TLN2: variants seen among roughly 807,000 people sequenced by gnomAD.
The protein encoded by TLN2 is talin 2.
In TLN2, 118 loss-of-function variants were observed where a neutral mutation model predicts 294.7. That is an observed-to-expected ratio of 0.40 (90% CI 0.34 to 0.47). The LOEUF (loss-of-function observed/expected upper bound fraction) is 0.47, where lower values mean the gene tolerates loss of function less well. TLN2 is among the 20% of genes least tolerant of loss of function. The pLI is 0.84. For missense variants in TLN2, 3,083 were observed against 3,282.2 expected (o/e 0.94, Z 1.48); for synonymous variants, 1,431 against 1,304.5 (o/e 1.10, Z -2.09).
At chr15:62,543,315 C>A (rs1357104417) in intron 1 of TLN2, among the ~76,000 whole-genome samples, 1 of 152,208 alleles carries the variant, frequency 6.6e-6, no homozygotes, top group Non-Finnish European at 1.5e-5. Flanking sequence ...TTCATTAATT[C>A]AGCATATATT....
rs1002950272 is a variant in TLN2 at position 62,796,005 on chromosome 15, G to A, written c.5884-122G>A. 17 of 1,275,650 alleles carry A rather than the reference G, an allele frequency of 1.3e-5. No individual in the cohort carries two copies. In the African/African-American group the frequency reaches 1.7e-4, roughly 12 times the overall value. The allele number at this position is 1,275,650 out of a possible 1,614,324, so 79.0% of individuals were successfully genotyped here. On this transcript the variant is annotated intron_variant, in intron 46 of 58. Coordinates refer to ENST00000636159, the MANE Select transcript of TLN2 (RefSeq NM_015059.3). The stretch of plus-strand genomic sequence containing the variant: ...CAGACTGAGGCCGTTGACTCCAGAT[G>A]TGTGTTGTTAACCTCTAAGCTACAT...
In TLN2 at chr15:62,595,671, C is replaced by T. The variant is rs564834819; in HGVS notation, c.-162+5909C>T. ...ATATGGAATCAACATAAGTGTCCAT[C>T]ATTGGATGAATAGATAAAGAAAATG... On this transcript the variant is annotated intron_variant, in intron 2 of 58. Coordinates refer to ENST00000636159, the MANE Select transcript of TLN2 (RefSeq NM_015059.3). 1.2e-4 allele frequency among the ~76,000 whole-genome samples: 18 copies of T among 152,276 alleles called. 1 individual carries two copies. The highest frequency in any genetic ancestry group is 3.6e-4 in the African/African-American group (15 of 41,560).
At chr15:62,583,496 C>CT (rs914309450) in intron 1 of TLN2, among the ~76,000 whole-genome samples, 1 of 146,130 alleles carries the variant, frequency 6.8e-6, no homozygotes, top group African/African-American at 2.4e-5. Flanking sequence ...TCTCGCCCTT[C>CT]TTTTTTTGTT....
intron 1 of TLN2, among the ~76,000 whole-genome samples, chr15:62,492,944 C>T (rs2038827358): frequency 6.6e-6 from 1 of 152,182 alleles, no homozygotes; most frequent in Non-Finnish European, 1.5e-5. Context: ...GCTACTCTTC[C>T]TGCTGTCACT....
At chr15:62,741,748 C>CGCACGCGTGTGTGTGTGTGTGTGT in intron 32 of TLN2, among the ~76,000 whole-genome samples, 1 of 131,072 alleles carries the variant, frequency 7.6e-6, no homozygotes, top group Admixed American at 7.8e-5. Flanking sequence ...AAAATTTGCG[C>CGCACGCGTGTGTGTGTGTGTGTGT]GTGTGTGTGT....
At chr15:62,430,175 A>G (rs1042424011) in intron 1 of TLN2, among the ~76,000 whole-genome samples, 4 of 152,208 alleles carry the variant, frequency 2.6e-5, no homozygotes, top group Admixed American at 6.5e-5. Flanking sequence ...GTTGTAAGCT[A>G]GCATTTATTG....
chr15:62,396,081 G>A (rs535200220), intron 1 of TLN2, among the ~76,000 whole-genome samples: 8 of 152,042 alleles, frequency 5.3e-5, no homozygotes, highest in African/African-American at 1.4e-4. Context: ...TGATCCACCC[G>A]CCTTGGCCTC....
intron 2 of TLN2, among the ~76,000 whole-genome samples, chr15:62,611,154 A>T (rs12906256): frequency 0.19 from 28,421 of 152,204 alleles, 3,258 homozygotes; most frequent in East Asian, 0.4. Flanking sequence ...ATAGAGCGAT[A>T]TTAACATATT....
At chr15:62,808,590 C>T (rs923099703) in intron 51 of TLN2, among the ~76,000 whole-genome samples, 1 of 152,196 alleles carries the variant, frequency 6.6e-6, no homozygotes, top group Non-Finnish European at 1.5e-5. Context: ...GCAAGCACCT[C>T]AGCTCCACCT....
chr15:62,529,440 G>T (rs1031050028), intron 1 of TLN2, among the ~76,000 whole-genome samples: 1 of 151,836 alleles, frequency 6.6e-6, no homozygotes. Flanking sequence ...GAGAGAAATA[G>T]GAGAGAACTC....
chr15:62,431,940 C>G (rs1368309749), intron 1 of TLN2, among the ~76,000 whole-genome samples: 1 of 152,074 alleles, frequency 6.6e-6, no homozygotes, highest in Non-Finnish European at 1.5e-5. Flanking sequence ...GGGCATGGTC[C>G]CAGGCCCATC....
At chr15:62,549,758 G>T (rs1044488738) in intron 1 of TLN2, among the ~76,000 whole-genome samples, 1 of 152,178 alleles carries the variant, frequency 6.6e-6, no homozygotes, top group African/African-American at 2.4e-5. Flanking sequence ...TGTTTAAAAT[G>T]GGCTTAGGGA....
chr15:62,779,427 G>A (rs1450073984), intron 43 of TLN2, among the ~76,000 whole-genome samples: 2 of 152,174 alleles, frequency 1.3e-5, no homozygotes, highest in Non-Finnish European at 2.9e-5. Flanking sequence ...TTTTATAAAA[G>A]AAAGGTCATG....
rs2058940103 is a variant in TLN2, at chr15:62,704,609, C to T, written c.2004+1745C>T. ...ATTCATATCCTGCAGTGCAATAAGA[C>T]ATTCAATGTACAGACATTCGTGTCA... is the stretch of plus-strand genomic sequence containing the variant. On this transcript the variant is annotated intron_variant, in intron 19 of 58. Transcript: ENST00000636159. Among the ~76,000 whole-genome samples, 3 of 152,308 alleles carry T rather than the reference C, an allele frequency of 2.0e-5. No homozygotes were observed. The South Asian group carries it at 6.2e-4, about 32-fold the overall frequency.
chr15:62,775,567 G>C (rs1595951055), intron 42 of TLN2, among the ~76,000 whole-genome samples: 1 of 152,110 alleles, frequency 6.6e-6, no homozygotes, highest in African/African-American at 2.4e-5. Context: ...AACTTTTCTT[G>C]CTTCCTATGG....
chr15:62,527,445 C>A (rs1219112103), intron 1 of TLN2, among the ~76,000 whole-genome samples: 1 of 152,118 alleles, frequency 6.6e-6, no homozygotes, highest in African/African-American at 2.4e-5. Context: ...GTTTATCACC[C>A]GCTGTTGGGT....
In TLN2 at chr15:62,407,788, G is replaced by A. The variant is rs193067999; in HGVS notation, c.-238+17103G>A. Among the ~76,000 whole-genome samples the A allele has an allele frequency of 3.1e-3, 475 of 151,970 alleles. 3 individuals are homozygous for A. The highest frequency in any genetic ancestry group is 0.011 in the African/African-American group (459 of 41,474). ...AAAATTAGCTGGTGTTGTGGCGGGC[G>A]CCTATAATCCCAGCTACCTCAGAGG... On this transcript the variant is annotated intron_variant, in intron 1 of 58. Transcript: ENST00000636159.
chr15:62,561,655 G>C (rs1229122403), intron 1 of TLN2, among the ~76,000 whole-genome samples: 1 of 152,090 alleles, frequency 6.6e-6, no homozygotes, highest in Non-Finnish European at 1.5e-5. Flanking sequence ...AGGAAAGTCT[G>C]TCTCTCTCTC....
intron 54 of TLN2, among the ~76,000 whole-genome samples, chr15:62,826,557 G>C (rs2068217810): frequency 6.6e-6 from 1 of 152,182 alleles, no homozygotes; most frequent in African/African-American, 2.4e-5. Context: ...AACTAATAAA[G>C]GTGGCAGTCC....
Sources: allele counts gnomAD v4.1 joint callset (sites outside exome capture counted in the v4.1 genomes callset), GRCh38; gene constraint gnomAD v4.1.1; transcripts MANE v1.5; gene names NCBI Gene and HGNC (gene_info 2026-07-23, HGNC 2026-07-21).